GSE1: variants seen among roughly 807,000 people sequenced by gnomAD.
The protein encoded by GSE1 is Gse1 coiled-coil protein.
In GSE1, 32 loss-of-function variants were observed where a neutral mutation model predicts 112.6. The observed-to-expected ratio is 0.28, with a 90% CI of 0.21 to 0.38. The LOEUF is 0.38. Among genes scored for constraint, GSE1 ranks in the 10% least tolerant of loss-of-function variants. The pLI, the probability that GSE1 is intolerant of heterozygous loss-of-function variation, is 1.00. For missense variants in GSE1, 2,348 were observed against 1,699.2 expected (o/e 1.38, Z -6.71); for synonymous variants, 1,115 against 735.6 (o/e 1.52, Z -8.35).
chr16:85,611,394 C>G, upstream of GSE1: 1 of 884,292 alleles, frequency 1.1e-6, no homozygotes, highest in Non-Finnish European at 1.4e-6. Flanking sequence ...TTACCCGGGC[C>G]CGCGCGGCCG....
At chr16:85,556,647 C>T (rs1161800175) in intron 1 of GSE1, among the ~76,000 whole-genome samples, 1 of 150,500 alleles carries the variant, frequency 6.6e-6, no homozygotes, top group Non-Finnish European at 1.5e-5. Context: ...CCGGCTCCGC[C>T]GCGGCGGCGG....
At chr16:85,551,358 C>G (rs534816500), upstream of GSE1, among the ~76,000 whole-genome samples, 2 of 152,248 alleles carry the variant, frequency 1.3e-5, no homozygotes, top group South Asian at 4.1e-4. Context: ...CTGGTGGCCC[C>G]TGTCACCCCT....
At chr16:85,240,841 TC>T (rs1186935068) in intron 1 of GSE1, among the ~76,000 whole-genome samples, 1 of 152,090 alleles carries the variant, frequency 6.6e-6, no homozygotes, top group Admixed American at 6.5e-5. Flanking sequence ...TAATTATGAT[TC>T]CAGCACAGTC....
At chr16:85,402,122 G>A (rs1567737967) in intron 2 of GSE1, among the ~76,000 whole-genome samples, 1 of 152,344 alleles carries the variant, frequency 6.6e-6, no homozygotes, top group Non-Finnish European at 1.5e-5. Context: ...AGCATCCTGT[G>A]CCGTTTGTCC....
intron 1 of GSE1, among the ~76,000 whole-genome samples, chr16:85,353,826 T>C (rs990984124): frequency 2.6e-5 from 4 of 152,146 alleles, no homozygotes; most frequent in Non-Finnish European, 4.4e-5. Context: ...CCTTGCAGAG[T>C]TTCCCCTCCT....
At chr16:85,643,556 G>A (rs1441730258) in intron 2 of GSE1, among the ~76,000 whole-genome samples, 1 of 152,202 alleles carries the variant, frequency 6.6e-6, no homozygotes, top group Non-Finnish European at 1.5e-5. Context: ...AGACTCTGGA[G>A]TGGCAGCTGC....
intron 1 of GSE1, among the ~76,000 whole-genome samples, chr16:85,633,071 G>C (rs904779215): frequency 6.6e-6 from 1 of 152,178 alleles, no homozygotes; most frequent in Non-Finnish European, 1.5e-5. Flanking sequence ...CCGTTGCTGC[G>C]CCAGGTCGGC....
chr16:85,238,127 C>T (rs1416868278), intron 1 of GSE1, among the ~76,000 whole-genome samples: 1 of 152,104 alleles, frequency 6.6e-6, no homozygotes, highest in East Asian at 1.9e-4. Flanking sequence ...CTGTTGGACC[C>T]AACACAGGCC....
chr16:85,650,662 A>G (rs1307114375), intron 3 of GSE1, among the ~76,000 whole-genome samples: 2 of 152,158 alleles, frequency 1.3e-5, no homozygotes, highest in Admixed American at 6.5e-5. Flanking sequence ...CGCTTAATGG[A>G]ACACGGTGCC....
In GSE1 at chr16:85,452,740, G is replaced by GCT. The variant is rs1302384023; in HGVS notation, c.2464+95097_2464+95098insCT. ...CCCTCAGCACAGGTCCTGGGAGAGA[G>GCT]ACCCCTGGTGGGCGGTGCAGAACTC... On this transcript the variant is annotated intron_variant, in intron 2 of 2. Transcript: ENST00000637419. 7.8e-3 allele frequency among the ~76,000 whole-genome samples: 1,184 copies of GCT among 152,380 alleles called. 15 individuals are homozygous for GCT. Among genetic ancestry groups the GCT allele is most frequent in the African/African-American group, 0.027 (1,134 of 41,588 alleles).
intron 2 of GSE1, among the ~76,000 whole-genome samples, chr16:85,421,271 C>T (rs1012889800): frequency 5.3e-5 from 8 of 152,032 alleles, no homozygotes; most frequent in Non-Finnish European, 1.2e-4. Flanking sequence ...GGGGGGGTCT[C>T]TCGGGCCCTG....
chr16:85,322,674 G>A (rs1426207028), intron 1 of GSE1, among the ~76,000 whole-genome samples: 1 of 149,958 alleles, frequency 6.7e-6, no homozygotes. Context: ...CCAGTGCAAT[G>A]GCGTGATCTT....
chr16:85,435,051 G>C (rs1040806812), intron 2 of GSE1, among the ~76,000 whole-genome samples: 2 of 152,348 alleles, frequency 1.3e-5, no homozygotes, highest in Non-Finnish European at 2.9e-5. Context: ...TTGCCATCTT[G>C]ATGCGCTTAA....
At chr16:85,227,402 C>T (rs2075507773) in intron 1 of GSE1, among the ~76,000 whole-genome samples, 1 of 152,174 alleles carries the variant, frequency 6.6e-6, no homozygotes, top group African/African-American at 2.4e-5. Context: ...CCAGAAGGGG[C>T]TGTGATCAGC....
chr16:85,492,554 A>G (rs911422739), intron 2 of GSE1, among the ~76,000 whole-genome samples: 1 of 152,234 alleles, frequency 6.6e-6, no homozygotes, highest in Non-Finnish European at 1.5e-5. Flanking sequence ...AGGTACTTTC[A>G]TATCACCACT....
intron 1 of GSE1, among the ~76,000 whole-genome samples, chr16:85,632,082 G>A (rs561633383): frequency 1.4e-3 from 213 of 152,224 alleles, no homozygotes; most frequent in African/African-American, 4.8e-3. Context: ...CCGCCCTCCC[G>A]CTTGTTTGGA....
At chr16:85,182,615 G>A (rs901611458) in intron 1 of GSE1, among the ~76,000 whole-genome samples, 7 of 152,188 alleles carry the variant, frequency 4.6e-5, no homozygotes, top group Non-Finnish European at 2.9e-5. Flanking sequence ...TCCCATTAAC[G>A]GGAGAAACCT....
At chr16:85,320,473 T>TTTTGTTTTGTTTTG (rs1258186426) in intron 1 of GSE1, among the ~76,000 whole-genome samples, 3 of 55,890 alleles carry the variant, frequency 5.4e-5, no homozygotes, top group African/African-American at 2.2e-4. Context: ...GTTTTGTTTT[T>TTTTGTTTTGTTTTG]TTGTAGAAAT....
chr16:85,329,829 GGGAGGGGAGGGAATGTGTGGGGAGGGC>G (rs1251935642), intron 1 of GSE1, among the ~76,000 whole-genome samples: 2 of 150,946 alleles, frequency 1.3e-5, no homozygotes, highest in Non-Finnish European at 3.0e-5. Flanking sequence ...GGCTGGGGAC[GGGAGGGGAGGGAATGTGTGGGGAGGGC>G]GGAGGGCAGG....
Sources: allele counts gnomAD v4.1 joint callset (sites outside exome capture counted in the v4.1 genomes callset), GRCh38; gene constraint gnomAD v4.1.1; transcripts MANE v1.5; gene names NCBI Gene and HGNC (gene_info 2026-07-23, HGNC 2026-07-21).